EML6: variants seen among roughly 807,000 people sequenced by gnomAD.
EML6 encodes the protein echinoderm microtubule-associated protein-like 6.
EML6 carries 154 observed loss-of-function variants against 240.1 expected under a neutral mutation model. That is an observed-to-expected ratio of 0.64 (90% CI 0.56 to 0.73). The LOEUF (loss-of-function observed/expected upper bound fraction) is 0.73, where lower values mean the gene tolerates loss of function less well. Ranked by LOEUF, EML6 falls within the 30% of genes least tolerant of loss-of-function variation. The pLI, the probability that EML6 is intolerant of heterozygous loss-of-function variation, is 0.00. For missense variants in EML6, 2,964 were observed against 2,474.6 expected (o/e 1.20, Z -4.20); for synonymous variants, 1,148 against 899.0 (o/e 1.28, Z -4.95).
intron 7 of EML6, among the ~76,000 whole-genome samples, chr2:54,837,978 C>G (rs1022737424): frequency 6.6e-6 from 1 of 152,184 alleles, no homozygotes; most frequent in African/African-American, 2.4e-5. Context: ...GTTTTCCCCT[C>G]TTGGACCAAA....
chr2:54,909,318 C>G (rs1673515550), intron 24 of EML6, among the ~76,000 whole-genome samples: 2 of 152,138 alleles, frequency 1.3e-5, no homozygotes, highest in African/African-American at 4.8e-5. Context: ...TCTAAATAGT[C>G]AAAGATAACT....
At chr2:54,746,528 A>G (rs981822373) in intron 2 of EML6, among the ~76,000 whole-genome samples, 2 of 152,222 alleles carry the variant, frequency 1.3e-5, no homozygotes, top group African/African-American at 4.8e-5. Context: ...AATATAAAGA[A>G]GAGAGAAAAA....
At position 54,910,992 on chromosome 2, in the gene EML6, C is replaced by CT. The variant is rs745447718; in HGVS notation, c.3456dup (p.Glu1153Ter). ...AGTGAATTCAGGTGCCAGAGAACAACTTTTTTTTGAAGCTCCAAGAGGCAA... is the reference window on the plus strand; with the variant it reads ...AGTGAATTCAGGTGCCAGAGAACAACTTTTTTTTTGAAGCTCCAAGAGGCAA... On this transcript the variant is annotated frameshift_variant, in exon 25 of 42. Coordinates refer to ENST00000356458, the MANE Select transcript of EML6 (RefSeq NM_001039753.4). LOFTEE classifies it high-confidence loss of function. 42 of 1,535,930 alleles carry CT rather than the reference C, an allele frequency of 2.7e-5. No homozygotes were observed. Among genetic ancestry groups the CT allele is most frequent in the Non-Finnish European group, 3.0e-5 (34 of 1,135,582 alleles).
At chr2:54,853,103 T>C (rs963500760) in intron 10 of EML6, among the ~76,000 whole-genome samples, 3 of 152,256 alleles carry the variant, frequency 2.0e-5, no homozygotes, top group Admixed American at 6.5e-5. Context: ...TGAGCCTGAA[T>C]TTTAAAGACA....
At chr2:54,823,984 G>A (rs1032714895) in intron 5 of EML6, among the ~76,000 whole-genome samples, 4 of 150,422 alleles carry the variant, frequency 2.7e-5, no homozygotes, top group Non-Finnish European at 2.9e-5. Flanking sequence ...TGTTAATTTC[G>A]TTCCCCATTT....
At chr2:54,853,961 T>C (rs1670233030) in intron 11 of EML6, 106 bp downstream of exon 11, 2 of 582,490 alleles carry the variant, frequency 3.4e-6, no homozygotes, top group East Asian at 6.3e-5. Flanking sequence ...CTGTTTATTT[T>C]ATCTTGTATA....
At chr2:54,861,434 A>G (rs1670666185) in intron 12 of EML6, among the ~76,000 whole-genome samples, 1 of 152,202 alleles carries the variant, frequency 6.6e-6, no homozygotes, top group South Asian at 2.1e-4. Context: ...ATGTGAGTAC[A>G]GGCATTTGTC....
At chr2:54,790,741 T>TC (rs1264503166) in intron 2 of EML6, among the ~76,000 whole-genome samples, 1 of 150,660 alleles carries the variant, frequency 6.6e-6, no homozygotes, top group East Asian at 1.9e-4. Context: ...TTTTTTTTTT[T>TC]TTGAGACGGA....
intron 2 of EML6, among the ~76,000 whole-genome samples, chr2:54,736,472 A>G (rs1172233131): frequency 6.6e-6 from 1 of 152,142 alleles, no homozygotes; most frequent in Non-Finnish European, 1.5e-5. Flanking sequence ...TCATTTATAA[A>G]TCCCTAAGAT....
intron 25 of EML6, among the ~76,000 whole-genome samples, chr2:54,914,008 C>A (rs529893373): frequency 5.5e-4 from 83 of 152,224 alleles, no homozygotes; most frequent in African/African-American, 1.9e-3. Context: ...TTCCATTGGC[C>A]TATATGTCTT....
rs563942673 is a variant in EML6 at position 54,964,473 on chromosome 2, C to A, written c.5331-98C>A. 43 of 1,166,368 alleles carry A rather than the reference C, an allele frequency of 3.7e-5. No homozygotes were observed. In the Admixed American group the frequency reaches 1.1e-3, roughly 30 times the overall value. The allele number at this position is 1,166,368 out of a possible 1,614,324, so 72.3% of individuals were successfully genotyped here. ...GTGAGTCACAAGGTGGCTCTCATTG[C>A]CTTTAGGCCTGGAAGGCCTGTCACA... On this transcript the variant is annotated intron_variant, in intron 37 of 41. Coordinates refer to ENST00000356458, the MANE Select transcript of EML6 (RefSeq NM_001039753.4).
At position 54,962,693 on chromosome 2, in the gene EML6, C is replaced by A; in HGVS notation, c.5139C>A (p.Ile1713=). 6 of 1,496,272 alleles carry A rather than the reference C, an allele frequency of 4.0e-6. No individual in the cohort carries two copies. The highest frequency in any genetic ancestry group is 4.5e-6 in the Non-Finnish European group (5 of 1,119,652). 92.7% of individuals were successfully genotyped at this position (1,496,272 alleles called of 1,614,324 possible). The stretch of plus-strand genomic sequence containing the variant: ...CCAGCAACGATGGCACAGCCCGGAT[C>A]TGGGACCTGGCTGACAAGGTGAGGC... ...ISASNDGTAR[I]WDLADKKLLN... is the part of the protein sequence containing the mutation. Residue 1713 remains isoleucine, a synonymous_variant, in exon 36 of 42, where the codon ATC becomes ATA. Coordinates refer to ENST00000356458, the MANE Select transcript of EML6 (RefSeq NM_001039753.4).
At chr2:54,959,526 C>G (rs1266250420) in intron 34 of EML6, among the ~76,000 whole-genome samples, 1 of 152,080 alleles carries the variant, frequency 6.6e-6, no homozygotes, top group Non-Finnish European at 1.5e-5. Context: ...CTTTGGGAGG[C>G]CAAGGTGGGC....
At chr2:54,909,578 C>T (rs1673530154) in intron 24 of EML6, among the ~76,000 whole-genome samples, 1 of 152,036 alleles carries the variant, frequency 6.6e-6, no homozygotes, top group South Asian at 2.1e-4. Flanking sequence ...AGCATGGTGG[C>T]TCATGCCATA....
At chr2:54,743,823 T>C (rs1683774516) in intron 2 of EML6, among the ~76,000 whole-genome samples, 1 of 152,236 alleles carries the variant, frequency 6.6e-6, no homozygotes, top group African/African-American at 2.4e-5. Context: ...ACATTAAATT[T>C]ATATGTGAAT....
At chr2:54,891,876 T>A (rs1672486764) in intron 18 of EML6, among the ~76,000 whole-genome samples, 1 of 152,182 alleles carries the variant, frequency 6.6e-6, no homozygotes, top group African/African-American at 2.4e-5. Flanking sequence ...TGGGGAAATG[T>A]GAATGTGTAA....
chr2:54,756,034 T>C (rs1667706334), intron 2 of EML6, among the ~76,000 whole-genome samples: 1 of 152,094 alleles, frequency 6.6e-6, no homozygotes, highest in African/African-American at 2.4e-5. Context: ...TTAATTTGGA[T>C]CTTGGCCCTC....
intron 2 of EML6, among the ~76,000 whole-genome samples, chr2:54,788,180 C>T (rs1218379302): frequency 1.3e-5 from 2 of 152,256 alleles, no homozygotes; most frequent in African/African-American, 4.8e-5. Context: ...CGCTCACTCG[C>T]TCGCTAGCTG....
At chr2:54,945,055 C>G (rs1675613366) in intron 28 of EML6, among the ~76,000 whole-genome samples, 1 of 127,666 alleles carries the variant, frequency 7.8e-6, no homozygotes, top group Non-Finnish European at 1.7e-5. Context: ...TTCCCTCCTC[C>G]CTCTCTGCCT....
Sources: allele counts gnomAD v4.1 joint callset (sites outside exome capture counted in the v4.1 genomes callset), GRCh38; gene constraint gnomAD v4.1.1; transcripts MANE v1.5; gene names NCBI Gene and HGNC (gene_info 2026-07-23, HGNC 2026-07-21).